NALCN: variants seen among roughly 807,000 people sequenced by gnomAD.
NALCN encodes the protein sodium leak channel, non-selective.
Under a neutral mutation model 225.3 loss-of-function variants are expected in NALCN, and 111 were observed. The ratio of observed to expected loss-of-function variants is 0.49; its 90% confidence interval spans 0.42 to 0.58. The LOEUF is 0.58. Among genes scored for constraint, NALCN ranks in the 20% least tolerant of loss-of-function variants. NALCN has a pLI of 0.00. For synonymous variants in NALCN, 764 were observed against 769.0 expected, an observed-to-expected ratio of 0.99 and a Z score of 0.11; for missense variants, 1,378 against 2,202.4, an observed-to-expected ratio of 0.63 and a Z score of 7.49.
rs1258212189 is a variant in NALCN, at chr13:101,387,238, A to AT, written c.291+7944_291+7945insA. Among the ~76,000 whole-genome samples the AT allele has an allele frequency of 7.6e-4, 114 of 149,230 alleles. 4 individuals are homozygous for AT. Among genetic ancestry groups the AT allele is most frequent in the African/African-American group, 2.6e-3 (104 of 40,504 alleles). On this transcript the variant is annotated intron_variant, in intron 3 of 43. Transcript: ENST00000251127. ...GCGAGACTCCGTCTCAAAAAAAAAA[A>AT]AAAAAAAAAAAAAAAACAGGTTAGC...
At chr13:101,124,322 T>G (rs1237033201) in intron 18 of NALCN, among the ~76,000 whole-genome samples, 2 of 152,200 alleles carry the variant, frequency 1.3e-5, no homozygotes, top group East Asian at 3.8e-4. Flanking sequence ...GATATAAAAC[T>G]GTTAAAAATA....
intron 9 of NALCN, among the ~76,000 whole-genome samples, chr13:101,289,549 TAC>T (rs200139975): frequency 0.13 from 10,659 of 80,818 alleles, 457 homozygotes; most frequent in South Asian, 0.3. Context: ...TATATATATA[TAC>T]ACATATTTTC....
At chr13:101,256,749 T>C (rs1247635111) in intron 11 of NALCN, among the ~76,000 whole-genome samples, 1 of 145,066 alleles carries the variant, frequency 6.9e-6, no homozygotes, top group East Asian at 2.1e-4. Context: ...TTAGTATCAG[T>C]CTAGGCTTCT....
At chr13:101,167,060 T>C (rs1398274558) in intron 15 of NALCN, among the ~76,000 whole-genome samples, 1 of 152,232 alleles carries the variant, frequency 6.6e-6, no homozygotes, top group Non-Finnish European at 1.5e-5. Context: ...CTCTATTCTG[T>C]TCCACTGGTC....
intron 12 of NALCN, among the ~76,000 whole-genome samples, chr13:101,233,349 T>C (rs932450941): frequency 6.6e-6 from 1 of 151,436 alleles, no homozygotes; most frequent in Non-Finnish European, 1.5e-5. Flanking sequence ...ATTTTTTTTT[T>C]TTTTTTTGTG....
At chr13:101,370,892 T>C (rs1158418484) in intron 6 of NALCN, among the ~76,000 whole-genome samples, 3 of 152,172 alleles carry the variant, frequency 2.0e-5, no homozygotes, top group Non-Finnish European at 4.4e-5. Flanking sequence ...GAGGCCCCTT[T>C]GTAATCCCTT....
chr13:101,397,945 G>A (rs957872608), intron 2 of NALCN, among the ~76,000 whole-genome samples: 7 of 152,126 alleles, frequency 4.6e-5, no homozygotes, highest in Admixed American at 4.6e-4. Flanking sequence ...GAGGAGCTGG[G>A]AAAGGGTCAC....
chr13:101,103,337 C>T lies in NALCN; in HGVS notation c.2892G>A (p.Val964=). 1 of 1,605,854 alleles carries T rather than the reference C, an allele frequency of 6.2e-7. No homozygotes were observed. Among genetic ancestry groups the T allele is most frequent in the Non-Finnish European group, 8.5e-7 (1 of 1,177,594 alleles). Residue 964 remains valine, a splice_region_variant and synonymous_variant, in exon 26 of 44, where the codon GTG becomes GTA. Coordinates refer to ENST00000251127, the MANE Select transcript of NALCN (RefSeq NM_052867.4). ...GGVMDIFIYL[V]SLIFLCWMPQ... is the part of the protein sequence containing the mutation. Reference sequence around the variant, plus strand: ...GCATCCAACAAAGAAATATCAAGCTCACCTAAAGGGGAACAAATGATCTCT... The same window carrying T: ...GCATCCAACAAAGAAATATCAAGCTTACCTAAAGGGGAACAAATGATCTCT...
intron 15 of NALCN, among the ~76,000 whole-genome samples, chr13:101,148,942 ACCT>A (rs2037492785): frequency 1.6e-5 from 1 of 62,968 alleles, no homozygotes. Flanking sequence ...GTGTCGTTTA[ACCT>A]GAACTGATGT....
intron 33 of NALCN, 89 bp downstream of exon 33, chr13:101,082,720 G>C: frequency 7.6e-7 from 1 of 1,320,968 alleles, no homozygotes; most frequent in Non-Finnish European, 1.1e-6. Flanking sequence ...GGAACACAGA[G>C]AGGAGAGTAA....
At chr13:101,065,883 T>C (rs904350932) in intron 39 of NALCN, among the ~76,000 whole-genome samples, 3 of 152,120 alleles carry the variant, frequency 2.0e-5, no homozygotes, top group Non-Finnish European at 2.9e-5. Context: ...GATGCTTGCA[T>C]AGCCTGTCCC....
chr13:101,313,412 A>G (rs186910550), intron 7 of NALCN, among the ~76,000 whole-genome samples: 1 of 152,276 alleles, frequency 6.6e-6, no homozygotes, highest in East Asian at 1.9e-4. Context: ...AAAATGGGAG[A>G]AAATTTTTCA....
At chr13:101,078,799 G>A (rs2033433573) in intron 34 of NALCN, among the ~76,000 whole-genome samples, 1 of 152,104 alleles carries the variant, frequency 6.6e-6, no homozygotes, top group South Asian at 2.1e-4. Flanking sequence ...TGAGATTTGG[G>A]AGGGGTCCAG....
chr13:101,072,893 T>C (rs1268812582), intron 37 of NALCN, among the ~76,000 whole-genome samples: 3 of 152,334 alleles, frequency 2.0e-5, no homozygotes, highest in South Asian at 2.1e-4. Flanking sequence ...GGCTCCCGAA[T>C]TGGACAGTGC....
chr13:101,159,654 C>T (rs1259177422), intron 15 of NALCN, among the ~76,000 whole-genome samples: 10 of 152,150 alleles, frequency 6.6e-5, no homozygotes, highest in East Asian at 1.9e-4. Flanking sequence ...GACTCTTTCC[C>T]GGATGAGAAT....
chr13:101,126,130 C>A (rs1316289857), intron 17 of NALCN, among the ~76,000 whole-genome samples: 1 of 152,204 alleles, frequency 6.6e-6, no homozygotes, highest in African/African-American at 2.4e-5. Flanking sequence ...TGGAGAAGAA[C>A]CAGAGTAACA....
intron 7 of NALCN, among the ~76,000 whole-genome samples, chr13:101,296,842 T>C (rs2043775702): frequency 6.6e-6 from 1 of 152,226 alleles, no homozygotes; most frequent in Admixed American, 6.5e-5. Context: ...CCTGATTTCA[T>C]TCATTCTTTC....
chr13:101,117,145 A>G (rs1322558842), intron 18 of NALCN: 1 of 339,264 alleles, frequency 2.9e-6, no homozygotes, highest in African/African-American at 2.2e-5. Flanking sequence ...TTATTCATAA[A>G]AATGTTTTCA....
chr13:101,343,815 G>A (rs142964385), intron 7 of NALCN, among the ~76,000 whole-genome samples: 29 of 152,312 alleles, frequency 1.9e-4, no homozygotes, highest in African/African-American at 7.0e-4. Context: ...TCAGAGTGAA[G>A]AAAGATGAAT....
Sources: allele counts gnomAD v4.1 joint callset (sites outside exome capture counted in the v4.1 genomes callset), GRCh38; gene constraint gnomAD v4.1.1; transcripts MANE v1.5; gene names NCBI Gene and HGNC (gene_info 2026-07-23, HGNC 2026-07-21).